Variants in MCTS1 observed in about 807,000 individuals in gnomAD.
The protein encoded by MCTS1 is malignant T-cell-amplified sequence 1.
For missense variants in MCTS1, 55 were observed against 128.6 expected (o/e 0.43, Z 2.77); for synonymous variants, 26 against 40.8 (o/e 0.64, Z 1.38).
In MCTS1 at chrX:120,613,540, T is replaced by A. The variant is rs1386127207; in HGVS notation, c.*1276T>A. Reference sequence around the variant, plus strand: ...ATTGAAGTCTGTTTAATTTATAAGTTACCTTTTCTTTTCCCCCTTAAATTA... The same window carrying A: ...ATTGAAGTCTGTTTAATTTATAAGTAACCTTTTCTTTTCCCCCTTAAATTA... On this transcript the variant is annotated 3_prime_UTR_variant, in exon 6 of 6. Coordinates refer to ENST00000371317, the MANE Select transcript of MCTS1 (RefSeq NM_014060.3). Among the ~76,000 whole-genome samples, 2 of 112,561 alleles carry A rather than the reference T, an allele frequency of 1.8e-5. No individual in the cohort carries two copies. The highest frequency in any genetic ancestry group is 3.8e-5 in the Non-Finnish European group (2 of 53,333).
chrX:120,613,732 T>A lies in MCTS1; in HGVS notation c.*1468T>A, dbSNP rs1270300263. Among the ~76,000 whole-genome samples the A allele has an allele frequency of 8.9e-6, 1 of 111,759 alleles. No homozygotes were observed. Among genetic ancestry groups the A allele is most frequent in the Non-Finnish European group, 1.9e-5 (1 of 53,199 alleles). ...AGTTTTTTTAGTGCCTTCTTTTGAG[T>A]AAAGTCATACCAAACAGATGCCCAG... On this transcript the variant is annotated 3_prime_UTR_variant, in exon 6 of 6. Transcript: ENST00000371317.
At chrX:120,611,119 G>A (rs1365569783) in intron 5 of MCTS1, 41 bp downstream of exon 5, 3 of 1,129,918 alleles carry the variant, frequency 2.7e-6, no homozygotes, top group Non-Finnish European at 3.6e-6. Flanking sequence ...TGATATATGG[G>A]TAACCAACCC....
intron 4 of MCTS1, among the ~76,000 whole-genome samples, chrX:120,610,381 G>C (rs896289288): frequency 4.5e-5 from 5 of 111,045 alleles, no homozygotes; most frequent in Non-Finnish European, 7.6e-5. Context: ...TTGGGAGGCT[G>C]AGGCAGGCGG....
Position 120,609,371 on chromosome X carries a change from C to T in MCTS1, c.396+1013C>T, listed in dbSNP as rs769261215. Reference sequence around the variant, plus strand: ...CTCATTTTTGTATTTTTAGTAGAGACAGGGTTTCACCATGTTGGTCAGGCT... The same window carrying T: ...CTCATTTTTGTATTTTTAGTAGAGATAGGGTTTCACCATGTTGGTCAGGCT... On this transcript the variant is annotated intron_variant, in intron 4 of 5. Transcript: ENST00000371317. Among the ~76,000 whole-genome samples, 4 of 110,782 alleles carry T rather than the reference C, an allele frequency of 3.6e-5. No homozygotes were observed. The East Asian group carries it at 8.5e-4, about 24-fold the overall frequency.
chrX:120,605,604 AT>A (rs1452760363), intron 2 of MCTS1, 45 bp downstream of exon 2: 1 of 1,117,683 alleles, frequency 8.9e-7, no homozygotes, highest in Non-Finnish European at 1.2e-6. Flanking sequence ...ATAGCTGAAT[AT>A]TTAATGATTA....
intron 3 of MCTS1, among the ~76,000 whole-genome samples, chrX:120,606,784 CAAAAAAAAAAA>C (rs763945946): frequency 5.2e-5 from 2 of 38,510 alleles, no homozygotes; most frequent in South Asian, 1.8e-3. Flanking sequence ...GACTTAGTCT[CAAAAAAAAAAA>C]AAAAAAAAAA....
At chrX:120,608,484 A>T in intron 4 of MCTS1, 126 bp downstream of exon 4, 1 of 729,501 alleles carries the variant, frequency 1.4e-6, no homozygotes, top group South Asian at 5.6e-5. Flanking sequence ...CTCTTATCTC[A>T]TGCCTTTCTG....
rs1253707831 is a variant in MCTS1, at chrX:120,614,718, A to T, written c.*2454A>T. Among the ~76,000 whole-genome samples, 2 of 112,016 alleles carry T rather than the reference A, an allele frequency of 1.8e-5. No homozygotes were observed. The highest frequency in any genetic ancestry group is 3.8e-5 in the Non-Finnish European group (2 of 53,241). On this transcript the variant is annotated 3_prime_UTR_variant, in exon 6 of 6. Coordinates refer to ENST00000371317, the MANE Select transcript of MCTS1 (RefSeq NM_014060.3). ...GGCCTGTAGCTCCTTATGTTCTTAA[A>T]AAGAATATACAAGTCATTTATGTCA...
At chrX:120,604,481 C>G in intron 1 of MCTS1, 4 of 530,316 alleles carry the variant, frequency 7.5e-6, no homozygotes, top group Non-Finnish European at 1.2e-5. Flanking sequence ...TTTCTCCTTA[C>G]CCCTCTTTCT....
At position 120,619,615 on chromosome X, in the gene MCTS1, A is replaced by G. The variant is rs1926956951; in HGVS notation, c.*7351A>G. On this transcript the variant is annotated 3_prime_UTR_variant, in exon 6 of 6. Transcript: ENST00000371317. ...AAAACTCTCCTCTTGTATTTCATAA[A>G]ATGTTAAATCTTGGCCCAAATTCAA... is the stretch of plus-strand genomic sequence containing the variant. 9.0e-6 allele frequency among the ~76,000 whole-genome samples: 1 copy of G among 110,737 alleles called. No individual in the cohort carries two copies. The highest frequency in any genetic ancestry group is 1.9e-5 in the Non-Finnish European group (1 of 52,883).
At chrX:120,607,587 G>T (rs1319226236) in intron 3 of MCTS1, among the ~76,000 whole-genome samples, 1 of 111,030 alleles carries the variant, frequency 9.0e-6, no homozygotes, top group African/African-American at 3.3e-5. Flanking sequence ...ATAACATCTT[G>T]TTTTGGAATG....
chrX:120,607,397 A>G (rs1321923927), intron 3 of MCTS1, among the ~76,000 whole-genome samples: 1 of 111,105 alleles, frequency 9.0e-6, no homozygotes, highest in Non-Finnish European at 1.9e-5. Context: ...TCCTTATTGT[A>G]CTCTCGAATA....
chrX:120,604,306 G>T (rs1926471233), intron 1 of MCTS1, 59 bp downstream of exon 1: 1 of 1,137,861 alleles, frequency 8.8e-7, no homozygotes, highest in Non-Finnish European at 1.2e-6. Context: ...TGGGGGTGGG[G>T]AAGAGGGCGA....
At chrX:120,607,653 A>T (rs1926576187) in intron 3 of MCTS1, among the ~76,000 whole-genome samples, 1 of 111,418 alleles carries the variant, frequency 9.0e-6, no homozygotes, top group African/African-American at 3.3e-5. Flanking sequence ...GCAAGTCCTT[A>T]GTTTACATTA....
intron 5 of MCTS1, 88 bp downstream of exon 5, chrX:120,611,166 T>C (rs1372268173): frequency 2.6e-6 from 2 of 771,521 alleles, no homozygotes; most frequent in East Asian, 6.4e-5. Context: ...TTTGCTATCA[T>C]GCATACCACA....
chrX:120,604,847 G>A, intron 1 of MCTS1: 1 of 1,157,348 alleles, frequency 8.6e-7, no homozygotes, highest in African/African-American at 1.8e-5. Context: ...AAAAGCAAAG[G>A]GGGAACATGG....
In MCTS1 at chrX:120,619,422, G is replaced by A. The variant is rs1312290981; in HGVS notation, c.*7158G>A. On this transcript the variant is annotated 3_prime_UTR_variant, in exon 6 of 6. Coordinates refer to ENST00000371317, the MANE Select transcript of MCTS1 (RefSeq NM_014060.3). The stretch of plus-strand genomic sequence containing the variant: ...TACTTATATATCTTGCTTAATCTTA[G>A]CAATGATTCCATGAGGTAGATTTTA... 2.7e-5 allele frequency among the ~76,000 whole-genome samples: 3 copies of A among 110,107 alleles called. No individual in the cohort carries two copies. Among genetic ancestry groups the A allele is most frequent in the Non-Finnish European group, 5.7e-5 (3 of 52,731 alleles).
chrX:120,608,525 A>AC, intron 4 of MCTS1, 167 bp downstream of exon 4: 1 of 515,382 alleles, frequency 1.9e-6, no homozygotes, highest in Non-Finnish European at 2.8e-6. Flanking sequence ...AAGTAATTTT[A>AC]TTTGTTGCTA....
intron 3 of MCTS1, among the ~76,000 whole-genome samples, chrX:120,606,953 G>A (rs981537709): frequency 1.8e-5 from 2 of 111,725 alleles, no homozygotes; most frequent in African/African-American, 6.5e-5. Context: ...ACGCAAATAT[G>A]TATTTACAAA....
Sources: gnomAD v4.1 joint callset for allele counts (sites outside exome capture counted in the v4.1 genomes callset) on GRCh38, gnomAD v4.1.1 for gene constraint, MANE v1.5 for transcripts, NCBI Gene and HGNC (gene_info 2026-07-23, HGNC 2026-07-21) for gene names.